Variants in NAV2 observed in about 807,000 individuals in gnomAD.
NAV2 encodes the protein helicase, APC down-regulated 1.
Under a neutral mutation model 223.2 loss-of-function variants are expected in NAV2, and 54 were observed. The observed-to-expected ratio is 0.24, with a 90% CI of 0.19 to 0.30. The LOEUF is 0.30. NAV2 is among the 10% of genes least tolerant of loss of function. The pLI is 1.00. For synonymous variants in NAV2, 1,279 were observed against 1,239.3 expected (o/e 1.03, Z -0.67); for missense variants, 2,806 against 3,147.5 (o/e 0.89, Z 2.60).
rs73429746 is a variant in NAV2 at position 19,752,786 on chromosome 11, T to C, written c.267+38824T>C. On this transcript the variant is annotated intron_variant, in intron 1 of 37. Coordinates refer to ENST00000349880, the MANE Select transcript of NAV2 (RefSeq NM_145117.5). ...GAGGGGATTTCTCATTGGTAAGTAT[T>C]AGACAAACAGTGGTTATTCTCATGG... Among the ~76,000 whole-genome samples the C allele has an allele frequency of 9.6e-3, 1,459 of 152,296 alleles. 22 individuals carry two copies. Among genetic ancestry groups the C allele is most frequent in the African/African-American group, 0.033 (1,390 of 41,556 alleles).
chr11:19,813,558 G>A (rs957968568), intron 1 of NAV2, among the ~76,000 whole-genome samples: 2 of 152,202 alleles, frequency 1.3e-5, no homozygotes, highest in Admixed American at 6.5e-5. Context: ...GCAGTTTGGA[G>A]TCAGGGCTGG....
chr11:19,829,148 T>C (rs1481516555), intron 1 of NAV2, among the ~76,000 whole-genome samples: 1 of 152,222 alleles, frequency 6.6e-6, no homozygotes, highest in African/African-American at 2.4e-5. Context: ...TGTGCCCTTG[T>C]TGATGTTCAC....
chr11:19,937,357 C>G lies in NAV2; in HGVS notation c.2034-2304C>G, dbSNP rs999210832. On this transcript the variant is annotated intron_variant, in intron 7 of 37. Transcript: ENST00000349880. ...ATATATAACTTATAATTGCTCCCCCCCCGCCCACCAAAACCTCTCCATGTT... is the reference window on the plus strand; with the variant it reads ...ATATATAACTTATAATTGCTCCCCCGCCGCCCACCAAAACCTCTCCATGTT... Among the ~76,000 whole-genome samples, 6 of 151,362 alleles carry G rather than the reference C, an allele frequency of 4.0e-5. No individual in the cohort carries two copies. In the South Asian group the frequency reaches 6.4e-4, roughly 16 times the overall value.
At chr11:19,535,028 T>G (rs1027951718) in intron 1 of NAV2, among the ~76,000 whole-genome samples, 1 of 152,168 alleles carries the variant, frequency 6.6e-6, no homozygotes, top group Non-Finnish European at 1.5e-5. Context: ...TAATAAGTGC[T>G]TAATAAATCA....
chr11:19,735,854 G>A (rs2052239747), intron 1 of NAV2, among the ~76,000 whole-genome samples: 1 of 152,146 alleles, frequency 6.6e-6, no homozygotes, highest in South Asian at 2.1e-4. Flanking sequence ...TGCAAGGATG[G>A]GAAGAACAAA....
At chr11:19,906,040 G>C (rs1356237792) in intron 6 of NAV2, among the ~76,000 whole-genome samples, 1 of 152,068 alleles carries the variant, frequency 6.6e-6, no homozygotes, top group African/African-American at 2.4e-5. Context: ...AAGGCTGATG[G>C]GACGGTCTTG....
intron 6 of NAV2, 23 bp downstream of exon 6, chr11:19,892,617 C>T (rs1565507234): frequency 6.2e-7 from 1 of 1,610,200 alleles, no homozygotes. Context: ...CTTGAGGAGC[C>T]TTTTTGGTAT....
At chr11:19,649,093 T>G (rs1256211755) in intron 1 of NAV2, among the ~76,000 whole-genome samples, 1 of 152,222 alleles carries the variant, frequency 6.6e-6, no homozygotes, top group Non-Finnish European at 1.5e-5. Context: ...GCTCCAGTTT[T>G]GGGGCATTTA....
chr11:19,728,859 T>C lies in NAV2; in HGVS notation c.267+14897T>C, dbSNP rs79146220. 8.3e-4 allele frequency among the ~76,000 whole-genome samples: 126 copies of C among 152,326 alleles called. 1 individual carries two copies. In the East Asian group the frequency reaches 0.016, roughly 20 times the overall value. Reference sequence around the variant, plus strand: ...GCTCTATTATATTAGTGTAATTTGGTAATAAGGAAACCAATTAATTCATTC... The same window carrying C: ...GCTCTATTATATTAGTGTAATTTGGCAATAAGGAAACCAATTAATTCATTC... On this transcript the variant is annotated intron_variant, in intron 1 of 37. Coordinates refer to ENST00000349880, the MANE Select transcript of NAV2 (RefSeq NM_145117.5).
At chr11:19,670,619 C>T (rs1259442519) in intron 1 of NAV2, among the ~76,000 whole-genome samples, 1 of 152,172 alleles carries the variant, frequency 6.6e-6, no homozygotes, top group East Asian at 1.9e-4. Flanking sequence ...GCTGACCAAG[C>T]ATCTCTCTGA....
At chr11:19,664,724 C>T (rs2048365774) in intron 1 of NAV2, among the ~76,000 whole-genome samples, 1 of 152,158 alleles carries the variant, frequency 6.6e-6, no homozygotes, top group South Asian at 2.1e-4. Flanking sequence ...ATTAGCTATA[C>T]CTTGAGGGCT....
chr11:19,803,478 T>C (rs2058381261), intron 1 of NAV2, among the ~76,000 whole-genome samples: 1 of 152,234 alleles, frequency 6.6e-6, no homozygotes, highest in Non-Finnish European at 1.5e-5. Context: ...GCTTCAGATA[T>C]GTGTTCAAAT....
intron 26 of NAV2, among the ~76,000 whole-genome samples, chr11:20,088,470 G>A (rs1310338599): frequency 7.2e-5 from 11 of 152,162 alleles, no homozygotes; most frequent in Non-Finnish European, 1.5e-4. Context: ...CCGCCAACCC[G>A]GGCCAAGAAT....
intron 1 of NAV2, among the ~76,000 whole-genome samples, chr11:19,763,909 T>C (rs1379109292): frequency 6.6e-6 from 1 of 152,118 alleles, no homozygotes; most frequent in African/African-American, 2.4e-5. Flanking sequence ...TATGGCCGTA[T>C]AACATCTCTC....
chr11:19,660,396 G>C (rs1427563645), intron 1 of NAV2, among the ~76,000 whole-genome samples: 14 of 152,152 alleles, frequency 9.2e-5, no homozygotes, highest in Admixed American at 9.2e-4. Context: ...TCCTGGCCTG[G>C]ACATTAGGGT....
chr11:19,597,868 C>G (rs779136133), intron 1 of NAV2, among the ~76,000 whole-genome samples: 7 of 152,172 alleles, frequency 4.6e-5, no homozygotes, highest in Non-Finnish European at 8.8e-5. Context: ...GAGGAATGGC[C>G]GTGGCCATTT....
At chr11:19,778,478 T>C (rs185012692) in intron 1 of NAV2, 2 of 308,450 alleles carry the variant, frequency 6.5e-6, no homozygotes, top group African/African-American at 4.5e-5. Context: ...TGGTGTGAGG[T>C]CTTTAAAGAT....
At chr11:19,402,257 G>A (rs1849718027) in intron 1 of NAV2, among the ~76,000 whole-genome samples, 1 of 152,182 alleles carries the variant, frequency 6.6e-6, no homozygotes, top group African/African-American at 2.4e-5. Context: ...CTACTTACTA[G>A]TGGCTTGACT....
intron 1 of NAV2, among the ~76,000 whole-genome samples, chr11:19,815,462 A>G (rs774105574): frequency 3.9e-5 from 6 of 152,204 alleles, no homozygotes; most frequent in Non-Finnish European, 2.9e-5. Flanking sequence ...GGAGGCAGCT[A>G]TTGTATGTGG....
Sources: allele counts gnomAD v4.1 joint callset (sites outside exome capture counted in the v4.1 genomes callset), GRCh38; gene constraint gnomAD v4.1.1; transcripts MANE v1.5; gene names NCBI Gene and HGNC (gene_info 2026-07-23, HGNC 2026-07-21).